The following UNC13C variants were observed in gnomAD, a reference collection of about 807,000 sequenced individuals.
UNC13C encodes protein unc-13 homolog C.
In UNC13C, 174 loss-of-function variants were observed where a neutral mutation model predicts 245.4. The observed-to-expected ratio is 0.71, with a 90% CI of 0.63 to 0.80. UNC13C has a LOEUF of 0.80. Ranked by LOEUF, UNC13C falls within the 30% of genes least tolerant of loss-of-function variation. UNC13C has a pLI of 0.00. For synonymous variants in UNC13C, 992 were observed against 895.1 expected, an observed-to-expected ratio of 1.11 and a Z score of -1.93; for missense variants, 2,829 against 2,602.9, an observed-to-expected ratio of 1.09 and a Z score of -1.89.
intron 2 of UNC13C, among the ~76,000 whole-genome samples, chr15:54,097,950 G>A (rs985017817): frequency 2.6e-5 from 4 of 152,142 alleles, no homozygotes; most frequent in East Asian, 1.9e-4. Flanking sequence ...TCATGTATGC[G>A]AAATGACTGT....
At chr15:54,579,904 A>C (rs1898128146) in intron 30 of UNC13C, among the ~76,000 whole-genome samples, 1 of 152,234 alleles carries the variant, frequency 6.6e-6, no homozygotes, top group African/African-American at 2.4e-5. Context: ...TAAAGCAGGT[A>C]TTTTGAAAAT....
intron 4 of UNC13C, among the ~76,000 whole-genome samples, chr15:54,151,824 G>T (rs573937622): frequency 3.5e-5 from 5 of 143,528 alleles, no homozygotes; most frequent in Non-Finnish European, 7.7e-5. Context: ...CCTGGCGCTG[G>T]AGCGTTCCAT....
At chr15:54,222,237 C>G (rs2035249218) in intron 4 of UNC13C, among the ~76,000 whole-genome samples, 1 of 151,942 alleles carries the variant, frequency 6.6e-6, no homozygotes, top group South Asian at 2.1e-4. Flanking sequence ...CCCCAACCCT[C>G]CTCCACCCAC....
the UNC13C span, among the ~76,000 whole-genome samples, chr15:53,854,122 G>GTTTTTTTGTTTTTT: frequency 2.2e-5 from 3 of 133,576 alleles, no homozygotes; most frequent in Non-Finnish European, 4.7e-5. Context: ...GTTTTTATAG[G>GTTTTTTTGTTTTTT]TTTTTTTTTT....
At chr15:54,058,787 G>A (rs1206495325) in intron 2 of UNC13C, among the ~76,000 whole-genome samples, 1 of 152,080 alleles carries the variant, frequency 6.6e-6, no homozygotes, top group Non-Finnish European at 1.5e-5. Context: ...TTCATCCCTG[G>A]GATGCAAGGC....
intron 13 of UNC13C, among the ~76,000 whole-genome samples, chr15:54,320,487 A>G (rs1164564935): frequency 1.3e-5 from 2 of 151,976 alleles, no homozygotes; most frequent in East Asian, 1.9e-4. Flanking sequence ...AAAAACGTTC[A>G]CTGGAATGCT....
chr15:54,445,321 G>T (rs1320166572), intron 19 of UNC13C, among the ~76,000 whole-genome samples: 2 of 152,092 alleles, frequency 1.3e-5, no homozygotes, highest in African/African-American at 2.4e-5. Context: ...AATCCTTTGG[G>T]TATATACCCA....
At chr15:54,390,413 C>A (rs1395546900) in intron 17 of UNC13C, among the ~76,000 whole-genome samples, 1 of 152,038 alleles carries the variant, frequency 6.6e-6, no homozygotes, top group Non-Finnish European at 1.5e-5. Context: ...AATCCTATAA[C>A]CTGGCAACTT....
In UNC13C at chr15:54,325,216, T is replaced by C. The variant is rs181685810; in HGVS notation, c.4425+3121T>C. Among the ~76,000 whole-genome samples, 910 of 152,016 alleles carry C rather than the reference T, an allele frequency of 6.0e-3. 4 individuals carry two copies. Among genetic ancestry groups the C allele is most frequent in the Non-Finnish European group, 9.5e-3 (645 of 67,948 alleles). ...ATAATAATAAATGAAAAAAGTATGCTAAAAAACTCTATATGCAATTTAATT... is the reference window on the plus strand; with the variant it reads ...ATAATAATAAATGAAAAAAGTATGCCAAAAAACTCTATATGCAATTTAATT... On this transcript the variant is annotated intron_variant, in intron 14 of 32. Transcript: ENST00000260323.
the UNC13C span, among the ~76,000 whole-genome samples, chr15:53,879,591 T>C: frequency 1.3e-5 from 2 of 152,158 alleles, no homozygotes; most frequent in Admixed American, 6.5e-5. Flanking sequence ...GCTAATTCTC[T>C]CTTTTTATTT....
chr15:54,481,258 T>C (rs1026302060), intron 19 of UNC13C, among the ~76,000 whole-genome samples: 10 of 151,794 alleles, frequency 6.6e-5, no homozygotes, highest in Non-Finnish European at 7.4e-5. Context: ...ATGCATAACA[T>C]TGGCAGTGGC....
In UNC13C at chr15:54,518,321, C is replaced by A. The variant is rs536731823; in HGVS notation, c.5457+6491C>A. On this transcript the variant is annotated intron_variant, in intron 24 of 32. Coordinates refer to ENST00000260323, the MANE Select transcript of UNC13C (RefSeq NM_001080534.3). ...GAGCCATGTCAAAATGAAATACAGACCCAGGCAGGTGACGCTTGTTAACCT... is the reference window on the plus strand; with the variant it reads ...GAGCCATGTCAAAATGAAATACAGAACCAGGCAGGTGACGCTTGTTAACCT... Among the ~76,000 whole-genome samples, 3 of 152,138 alleles carry A rather than the reference C, an allele frequency of 2.0e-5. No homozygotes were observed. The East Asian group carries it at 5.8e-4, about 29-fold the overall frequency.
At chr15:54,585,530 G>C (rs1898444464) in intron 30 of UNC13C, among the ~76,000 whole-genome samples, 1 of 152,120 alleles carries the variant, frequency 6.6e-6, no homozygotes, top group Non-Finnish European at 1.5e-5. Context: ...ATCCAAAATG[G>C]ACTAATACAG....
the UNC13C span, among the ~76,000 whole-genome samples, chr15:53,910,310 A>G: frequency 6.9e-6 from 1 of 145,404 alleles, no homozygotes; most frequent in African/African-American, 2.5e-5. Context: ...AGGTACGTGG[A>G]TGTGATTTGG....
chr15:53,866,703 A>G, the UNC13C span, among the ~76,000 whole-genome samples: 1 of 152,246 alleles, frequency 6.6e-6, no homozygotes, highest in African/African-American at 2.4e-5. Flanking sequence ...AAGCTACTGC[A>G]AAGCATAGAT....
intron 14 of UNC13C, among the ~76,000 whole-genome samples, chr15:54,327,744 A>AT (rs1596227563): frequency 6.6e-6 from 1 of 151,974 alleles, no homozygotes; most frequent in East Asian, 1.9e-4. Flanking sequence ...TGAGTCTGTA[A>AT]TTTTTTCTTC....
the UNC13C span, among the ~76,000 whole-genome samples, chr15:53,873,159 G>A: frequency 6.6e-6 from 1 of 151,674 alleles, no homozygotes; most frequent in Non-Finnish European, 1.5e-5. Flanking sequence ...AGTGGCTATT[G>A]TTGTAGTCTT....
At chr15:54,303,499 A>G (rs751033600) in intron 13 of UNC13C, among the ~76,000 whole-genome samples, 4 of 152,186 alleles carry the variant, frequency 2.6e-5, no homozygotes, top group Admixed American at 6.5e-5. Context: ...AGTCATGTTA[A>G]TATAGAAAAA....
intron 30 of UNC13C, among the ~76,000 whole-genome samples, chr15:54,613,210 T>C (rs1900218075): frequency 6.6e-6 from 1 of 151,782 alleles, no homozygotes; most frequent in African/African-American, 2.4e-5. Context: ...CTGTTTAAAA[T>C]AATAAAACAG....
Sources: gnomAD v4.1 joint callset for allele counts (sites outside exome capture counted in the v4.1 genomes callset) on GRCh38, gnomAD v4.1.1 for gene constraint, MANE v1.5 for transcripts, NCBI Gene and HGNC (gene_info 2026-07-23, HGNC 2026-07-21) for gene names.